PLD1: variants seen among roughly 807,000 people sequenced by gnomAD.
PLD1 encodes the protein phospholipase D1.
A neutral mutation model predicts 137.1 loss-of-function variants in PLD1; 112 were observed. That is an observed-to-expected ratio of 0.82 (90% CI 0.70 to 0.96). The LOEUF (loss-of-function observed/expected upper bound fraction) is 0.96. Ranked by LOEUF, PLD1 falls within the 40% of genes least tolerant of loss-of-function variation. The probability of loss-of-function intolerance (pLI) is 0.00; values close to 1 mark genes in which losing one functional copy is unlikely to be tolerated. For synonymous variants in PLD1, 431 were observed against 454.7 expected (o/e 0.95, Z 0.66); for missense variants, 1,321 against 1,342.0 (o/e 0.98, Z 0.24).
At chr3:171,787,085 G>C (rs1723037606) in intron 1 of PLD1, among the ~76,000 whole-genome samples, 1 of 152,162 alleles carries the variant, frequency 6.6e-6, no homozygotes, top group African/African-American at 2.4e-5. Context: ...TAGGCACCCA[G>C]CACACAACAG....
At chr3:171,620,742 C>CTA (rs869115087) in intron 23 of PLD1, among the ~76,000 whole-genome samples, 1,053 of 94,660 alleles carry the variant, frequency 0.011, 15 homozygotes, top group African/African-American at 0.036. Flanking sequence ...CTCTCTCTCT[C>CTA]TATATATATA....
chr3:171,746,610 C>G (rs1258784962), intron 1 of PLD1, among the ~76,000 whole-genome samples: 1 of 152,144 alleles, frequency 6.6e-6, no homozygotes, highest in Non-Finnish European at 1.5e-5. Flanking sequence ...AGTCAGTGCT[C>G]TGTGTCTAGC....
At chr3:171,670,520 AG>A (rs1175030975) in intron 19 of PLD1, among the ~76,000 whole-genome samples, 3 of 152,220 alleles carry the variant, frequency 2.0e-5, no homozygotes, top group African/African-American at 7.2e-5. Context: ...GCCAGTCTGT[AG>A]GAGATTTTAC....
chr3:171,688,623 T>A, intron 14 of PLD1, 53 bp downstream of exon 14: 1 of 1,345,918 alleles, frequency 7.4e-7, no homozygotes, highest in Non-Finnish European at 1.1e-6. Context: ...TAATACAAAC[T>A]TATACAAATT....
intron 24 of PLD1, among the ~76,000 whole-genome samples, chr3:171,613,161 C>A (rs1448093312): frequency 1.3e-5 from 2 of 152,148 alleles, no homozygotes; most frequent in African/African-American, 4.8e-5. Flanking sequence ...AAGAGCAAGA[C>A]TTCATCTCTA....
intron 6 of PLD1, among the ~76,000 whole-genome samples, chr3:171,728,160 A>G (rs551440800): frequency 3.3e-4 from 51 of 152,254 alleles, no homozygotes; most frequent in African/African-American, 1.2e-3. Flanking sequence ...AAATACAAAA[A>G]TTAGCCAGGT....
At chr3:171,775,623 A>T (rs1022207756) in intron 1 of PLD1, among the ~76,000 whole-genome samples, 9 of 152,158 alleles carry the variant, frequency 5.9e-5, no homozygotes, top group Non-Finnish European at 1.3e-4. Context: ...GGGGCGGATC[A>T]CCTGAGGTCA....
rs776081334 is a variant in PLD1 at position 171,687,593 on chromosome 3, A to T, written c.1540-9T>A. 1.7e-5 allele frequency: 27 copies of T among 1,573,194 alleles called. No individual in the cohort carries two copies. The highest frequency in any genetic ancestry group is 1.7e-4 in the Middle Eastern group (1 of 5,746). On this transcript the variant is annotated splice_polypyrimidine_tract_variant and intron_variant, in intron 14 of 26. Coordinates refer to ENST00000351298, the MANE Select transcript of PLD1 (RefSeq NM_002662.5). ...GACTCCATTGCGGCAGGCTGAGAAA[A>T]ATTTTTTTTTAAAAAAAGACACTGC... is the stretch of plus-strand genomic sequence containing the variant.
Position 171,680,242 on chromosome 3 carries a change from C to CTTTTTTTTTTTTTTTTTT in PLD1, c.1868-2566_1868-2549dup, listed in dbSNP as rs571538714. 3.9e-5 allele frequency among the ~76,000 whole-genome samples: 4 copies of CTTTTTTTTTTTTTTTTTT among 102,930 alleles called. 1 individual carries two copies. The highest frequency in any genetic ancestry group is 5.7e-5 in the Non-Finnish European group (3 of 52,644). 67.5% of individuals were successfully genotyped at this position (102,930 alleles called of 152,430 possible). The stretch of plus-strand genomic sequence containing the variant: ...GTCTTTTTGTTTTCTTTTTCTTCCT[C>CTTTTTTTTTTTTTTTTTT]TTTTTTTTTTTTTTTTTTTTTTTTT... On this transcript the variant is annotated intron_variant, in intron 16 of 26. Transcript: ENST00000351298.
At chr3:171,606,581 C>G (rs1236846921) in intron 25 of PLD1, among the ~76,000 whole-genome samples, 1 of 152,118 alleles carries the variant, frequency 6.6e-6, no homozygotes, top group African/African-American at 2.4e-5. Context: ...ATGTGGAATC[C>G]TGAAACCACA....
At chr3:171,690,890 G>T (rs985158959) in intron 13 of PLD1, among the ~76,000 whole-genome samples, 1 of 152,086 alleles carries the variant, frequency 6.6e-6, no homozygotes, top group Non-Finnish European at 1.5e-5. Flanking sequence ...CTTATCTTCT[G>T]TCTGGTTGCT....
chr3:171,673,947 C>T (rs1713061860), intron 19 of PLD1, among the ~76,000 whole-genome samples: 1 of 150,756 alleles, frequency 6.6e-6, no homozygotes, highest in African/African-American at 2.5e-5. Flanking sequence ...CAAGCTCCAC[C>T]TCTGTTGATA....
chr3:171,718,615 G>T (rs974084177), intron 8 of PLD1, among the ~76,000 whole-genome samples: 1 of 152,084 alleles, frequency 6.6e-6, no homozygotes, highest in African/African-American at 2.4e-5. Context: ...ATCAAGTAAG[G>T]CATCTATCAA....
chr3:171,643,962 C>T (rs187945926), intron 22 of PLD1, among the ~76,000 whole-genome samples: 2 of 152,116 alleles, frequency 1.3e-5, no homozygotes, highest in African/African-American at 4.8e-5. Flanking sequence ...AAAATTTCCA[C>T]TACAATGGTG....
At chr3:171,752,787 A>G (rs1720751243) in intron 1 of PLD1, among the ~76,000 whole-genome samples, 1 of 152,260 alleles carries the variant, frequency 6.6e-6, no homozygotes, top group Admixed American at 6.5e-5. Flanking sequence ...AATGCAACTC[A>G]ATTCAATTCA....
At chr3:171,769,896 T>C (rs576134809) in intron 1 of PLD1, among the ~76,000 whole-genome samples, 12 of 152,300 alleles carry the variant, frequency 7.9e-5, no homozygotes, top group African/African-American at 2.9e-4. Context: ...ATTAGCATAT[T>C]TAAAACACTA....
chr3:171,703,298 C>A (rs1716399427), intron 11 of PLD1, among the ~76,000 whole-genome samples: 3 of 152,174 alleles, frequency 2.0e-5, no homozygotes, highest in Non-Finnish European at 2.9e-5. Context: ...GGCATTCTCA[C>A]CACTTTCATT....
At chr3:171,765,012 A>T (rs1048932611) in intron 1 of PLD1, 9 of 150,558 alleles carry the variant, frequency 6.0e-5, no homozygotes, top group African/African-American at 2.2e-4. Context: ...GAAAGAGAAA[A>T]AGAAAAAGAA....
chr3:171,776,641 G>A (rs148323000), intron 1 of PLD1, among the ~76,000 whole-genome samples: 216 of 152,244 alleles, frequency 1.4e-3, no homozygotes, highest in African/African-American at 4.8e-3. Context: ...CCAGGGCTGC[G>A]GTAATGACAA....
Sources: gnomAD v4.1 joint callset for allele counts (sites outside exome capture counted in the v4.1 genomes callset) on GRCh38, gnomAD v4.1.1 for gene constraint, MANE v1.5 for transcripts, NCBI Gene and HGNC (gene_info 2026-07-23, HGNC 2026-07-21) for gene names.